Variants in C19orf81 observed in about 807,000 individuals in gnomAD.
C19orf81 encodes putative uncharacterized protein C19orf81.
A neutral mutation model predicts 22.1 loss-of-function variants in C19orf81; 19 were observed. The ratio of observed to expected loss-of-function variants is 0.86; its 90% CI spans 0.60 to 1.26. The LOEUF is 1.26. Among genes scored for constraint, C19orf81 ranks in the 50% most tolerant of loss-of-function variants. The probability of loss-of-function intolerance (pLI) is 0.00; values close to 1 mark genes in which losing one functional copy is unlikely to be tolerated. For missense variants in C19orf81, 287 were observed against 280.7 expected, an observed-to-expected ratio of 1.02 and a Z score of -0.16; for synonymous variants, 108 against 113.1, an observed-to-expected ratio of 0.95 and a Z score of 0.29.
At position 50,659,138 on chromosome 19, in the gene C19orf81, C is replaced by G. The variant is rs1985082719; in HGVS notation, c.593C>G (p.Ala198Gly). 1 of 1,351,458 alleles carries G rather than the reference C, an allele frequency of 7.4e-7. No homozygotes were observed. Among genetic ancestry groups the G allele is most frequent in the Non-Finnish European group, 9.5e-7 (1 of 1,053,636 alleles). 83.7% of individuals were successfully genotyped at this position (1,351,458 alleles called of 1,614,324 possible). The stretch of plus-strand genomic sequence containing the variant: ...CTGGGGGCGGAGCCGAACGAGGAGG[C>G]CTGACGCCCGGGCGGGCCCCGGCAG... ...EALGAEPNEE[A>G] is the part of the protein sequence containing the mutation. Residue 198 changes from alanine to glycine, a missense_variant, in exon 5 of 5, where the codon GCC becomes GGC. Coordinates refer to ENST00000425202, the MANE Select transcript of C19orf81 (RefSeq NM_001195076.2).
At chr19:50,658,415 A>G (rs189620300) in intron 4 of C19orf81, 2 of 370,638 alleles carry the variant, frequency 5.4e-6, no homozygotes, top group African/African-American at 2.1e-5. Flanking sequence ...ACTAGATAAG[A>G]GCGAGATTGG....
intron 1 of C19orf81, among the ~76,000 whole-genome samples, chr19:50,652,046 C>T (rs1984889050): frequency 6.6e-6 from 1 of 152,078 alleles, no homozygotes; most frequent in South Asian, 2.1e-4. Flanking sequence ...TGAATTGACA[C>T]CATTGTAGCT....
At chr19:50,651,054 T>A (rs1168786925) in intron 1 of C19orf81, among the ~76,000 whole-genome samples, 1 of 152,352 alleles carries the variant, frequency 6.6e-6, no homozygotes, top group African/African-American at 2.4e-5. Context: ...GTTGATCAGG[T>A]TGCAAACTTC....
chr19:50,650,209 C>T (rs919319387), intron 1 of C19orf81, among the ~76,000 whole-genome samples: 8 of 152,362 alleles, frequency 5.3e-5, no homozygotes, highest in Admixed American at 1.3e-4. Context: ...AAGCTCCAGC[C>T]TGGCTTTTGA....
Position 50,649,522 on chromosome 19 carries a change from G to C in C19orf81, c.67+11G>C. The C allele has an allele frequency of 6.5e-7, 1 of 1,536,082 alleles. No individual in the cohort carries two copies. Among genetic ancestry groups the C allele is most frequent in the Non-Finnish European group, 8.7e-7 (1 of 1,146,802 alleles). On this transcript the variant is annotated intron_variant, in intron 1 of 4. Coordinates refer to ENST00000425202, the MANE Select transcript of C19orf81 (RefSeq NM_001195076.2). ...TGCACAGGAAGGCAGGTACTGAGCTGTGTCTTTGGGGGAAGGGGTGGACTT... is the reference window on the plus strand; with the variant it reads ...TGCACAGGAAGGCAGGTACTGAGCTCTGTCTTTGGGGGAAGGGGTGGACTT...
At chr19:50,652,602 T>C (rs1256695822) in intron 1 of C19orf81, among the ~76,000 whole-genome samples, 2 of 152,190 alleles carry the variant, frequency 1.3e-5, no homozygotes, top group African/African-American at 4.8e-5. Context: ...GTTTTTGGAC[T>C]GCAGCAGGTG....
chr19:50,658,176 G>A (rs1239728592), intron 4 of C19orf81, 48 bp downstream of exon 4: 1 of 1,502,246 alleles, frequency 6.7e-7, no homozygotes, highest in Non-Finnish European at 8.9e-7. Flanking sequence ...GAGGGGCGGG[G>A]CCCGGGGCGA....
At chr19:50,658,257 G>T in intron 4 of C19orf81, 129 bp downstream of exon 4, 2 of 1,023,256 alleles carry the variant, frequency 2.0e-6, no homozygotes, top group South Asian at 3.3e-5. Context: ...AATGGGCGGG[G>T]CCCGGGGCGA....
chr19:50,650,473 C>T lies in C19orf81; in HGVS notation c.67+962C>T, dbSNP rs117128495. ...TCACCTGAGGTCAGGAGTTCAAGGC[C>T]AGCCAGCCTGGCCAACATGGTGAAA... On this transcript the variant is annotated intron_variant, in intron 1 of 4. Transcript: ENST00000425202. Among the ~76,000 whole-genome samples, 411 of 152,262 alleles carry T rather than the reference C, an allele frequency of 2.7e-3. 14 individuals carry two copies. In the East Asian group the frequency reaches 0.064, roughly 24 times the overall value.
chr19:50,658,929 TC>T lies in C19orf81; in HGVS notation c.402-14del. ...AAACGACCTGCGAGTTCCTTTTCCGTCCCCACCCCCCTTACAGGTGGCTCAT... is the reference window on the plus strand; with the variant it reads ...AAACGACCTGCGAGTTCCTTTTCCGTCCCACCCCCCTTACAGGTGGCTCAT... On this transcript the variant is annotated splice_polypyrimidine_tract_variant and intron_variant, in intron 4 of 4. Transcript: ENST00000425202. 2 of 1,438,774 alleles carry T rather than the reference TC, an allele frequency of 1.4e-6. No homozygotes were observed. Among genetic ancestry groups the T allele is most frequent in the Non-Finnish European group, 1.8e-6 (2 of 1,089,176 alleles). 89.1% of individuals were successfully genotyped at this position (1,438,774 alleles called of 1,614,324 possible).
At chr19:50,652,066 C>G (rs960468008) in intron 1 of C19orf81, among the ~76,000 whole-genome samples, 1 of 152,162 alleles carries the variant, frequency 6.6e-6, no homozygotes, top group African/African-American at 2.4e-5. Flanking sequence ...TCACTGCAGC[C>G]TCAAAATCCT....
chr19:50,658,415 A>T (rs189620300), intron 4 of C19orf81: 63 of 370,758 alleles, frequency 1.7e-4, no homozygotes, highest in African/African-American at 1.3e-3. Context: ...ACTAGATAAG[A>T]GCGAGATTGG....
chr19:50,658,460 C>A (rs1985053514), intron 4 of C19orf81: 4 of 293,224 alleles, frequency 1.4e-5, no homozygotes, highest in Non-Finnish European at 2.6e-5. Context: ...CAAGAGTGAG[C>A]GCGGTTGGAG....
chr19:50,652,403 C>T (rs879835579), intron 1 of C19orf81, among the ~76,000 whole-genome samples: 6 of 152,088 alleles, frequency 3.9e-5, no homozygotes, highest in African/African-American at 4.8e-5. Context: ...ATTAGGGAAT[C>T]ATAGAAATAA....
At chr19:50,653,009 G>A (rs1370355702) in intron 1 of C19orf81, among the ~76,000 whole-genome samples, 1 of 152,148 alleles carries the variant, frequency 6.6e-6, no homozygotes, top group East Asian at 1.9e-4. Context: ...GTTGTTGTGA[G>A]GATGCAATGG....
chr19:50,653,553 T>C (rs1037850066), intron 1 of C19orf81, among the ~76,000 whole-genome samples: 8 of 152,054 alleles, frequency 5.3e-5, no homozygotes, highest in African/African-American at 1.4e-4. Context: ...GGGTGGGCCC[T>C]GGAGTAAGTG....
chr19:50,658,829 T>A lies in C19orf81; in HGVS notation c.402-118T>A, dbSNP rs1252312054. On this transcript the variant is annotated intron_variant, in intron 4 of 4. Transcript: ENST00000425202. ...GGAGGGGAGTTTAGGGACGGAGCGATGGTCCGCTGGACCAGGGCCTGTAAA... is the reference window on the plus strand; with the variant it reads ...GGAGGGGAGTTTAGGGACGGAGCGAAGGTCCGCTGGACCAGGGCCTGTAAA... 18 of 906,572 alleles carry A rather than the reference T, an allele frequency of 2.0e-5. 1 individual carries two copies. In the South Asian group the frequency reaches 4.9e-4, roughly 25 times the overall value. 56.2% of individuals were successfully genotyped at this position (906,572 alleles called of 1,614,324 possible).
chr19:50,656,384 G>C, intron 3 of C19orf81, 38 bp downstream of exon 3: 1 of 1,512,056 alleles, frequency 6.6e-7, no homozygotes, highest in Non-Finnish European at 8.8e-7. Context: ...GCACAGTTTT[G>C]GTGGGGTGAT....
Position 50,656,075 on chromosome 19 carries a change from C to T in C19orf81, c.93C>T (p.Thr31=). ...GAGCCCTCCTTATGGACCTGGAGAC[C>T]CCAGAGGAGATGCAGGCTCGGAGCC... ...KAGALLMDLE[T]PEEMQARSLG... Residue 31 remains threonine, a synonymous_variant, in exon 2 of 5, where the codon ACC becomes ACT. Coordinates refer to ENST00000425202, the MANE Select transcript of C19orf81 (RefSeq NM_001195076.2). The T allele has an allele frequency of 6.5e-7, 1 of 1,536,114 alleles. No individual in the cohort carries two copies. The highest frequency in any genetic ancestry group is 8.7e-7 in the Non-Finnish European group (1 of 1,146,910).
Sources: gnomAD v4.1 joint callset for allele counts (sites outside exome capture counted in the v4.1 genomes callset) on GRCh38, gnomAD v4.1.1 for gene constraint, MANE v1.5 for transcripts, NCBI Gene and HGNC (gene_info 2026-07-23, HGNC 2026-07-21) for gene names.